Variants in UBC observed in about 807,000 individuals in gnomAD.
The protein encoded by UBC is polyubiquitin-C.
Under a neutral mutation model 34.7 loss-of-function variants are expected in UBC, and 8 were observed. The observed-to-expected ratio is 0.23, with a 90% CI of 0.14 to 0.42. The LOEUF (loss-of-function observed/expected upper bound fraction) is 0.42. Ranked by LOEUF, UBC falls within the 10% of genes least tolerant of loss-of-function variation. The probability of loss-of-function intolerance (pLI) is 1.00; values close to 1 mark genes in which losing one functional copy is unlikely to be tolerated. For missense variants in UBC, 323 were observed against 750.3 expected, an observed-to-expected ratio of 0.43 and a Z score of 6.65; for synonymous variants, 367 against 299.8, an observed-to-expected ratio of 1.22 and a Z score of -2.32.
At chr12:124,913,906 C>G (rs1454945096) in intron 1 of UBC, 132 bp from the exon 2 acceptor site, 5 of 1,406,340 alleles carry the variant, frequency 3.6e-6, no homozygotes, top group Non-Finnish European at 4.8e-6. Context: ...ACTCGCCAAC[C>G]CCGAGCGCAT....
In UBC at chr12:124,913,531, C is replaced by T. The variant is rs1387841368; in HGVS notation, c.241G>A (p.Val81Met). ...ATGGTCTTGCCAGTGAGTGTCTTCACGAAGATTTGCATCCCACCTCTGAGA... is the reference window on the plus strand; with the variant it reads ...ATGGTCTTGCCAGTGAGTGTCTTCATGAAGATTTGCATCCCACCTCTGAGA... ...LRLRGGMQIF[V>M]KTLTGKTITL... Residue 81 changes from valine to methionine, a missense_variant, in exon 2 of 2, where the codon GTG (valine) becomes ATG (methionine). Physicochemically the swap from Val to Met is conservative, Grantham distance 21 (BLOSUM62 1). Coordinates refer to ENST00000339647, the MANE Select transcript of UBC (RefSeq NM_021009.7). 1 of 1,610,612 alleles carries T rather than the reference C, an allele frequency of 6.2e-7. No homozygotes were observed. Among genetic ancestry groups the T allele is most frequent in the African/African-American group, 1.3e-5 (1 of 74,122 alleles).
chr12:124,914,576 C>T lies in UBC; in HGVS notation c.-4+11G>A, dbSNP rs1318028916. ...CGAAAGCCCCGGCCAGCCCAGCAGC[C>T]CGCTACTCACCAAGTGACGATCACA... is the stretch of plus-strand genomic sequence containing the variant. On this transcript the variant is annotated intron_variant, in intron 1 of 1. Transcript: ENST00000339647. 1 of 152,706 alleles carries T rather than the reference C, an allele frequency of 6.5e-6. No individual in the cohort carries two copies. The highest frequency in any genetic ancestry group is 1.5e-5 in the Non-Finnish European group (1 of 68,446). The allele number at this position is 152,706 out of a possible 1,614,324, so 9.5% of individuals were successfully genotyped here.
chr12:124,913,927 C>T (rs1953567417), intron 1 of UBC, 153 bp from the exon 2 acceptor site: 2 of 1,216,112 alleles, frequency 1.6e-6, no homozygotes, highest in Non-Finnish European at 2.3e-6. Flanking sequence ...AGTTCAAAAC[C>T]GGAGCTTCAG....
chr12:124,913,307 G>T lies in UBC; in HGVS notation c.465C>A (p.Ile155=). The T allele has an allele frequency of 6.2e-7, 1 of 1,610,522 alleles. No homozygotes were observed. The highest frequency in any genetic ancestry group is 1.7e-5 in the Admixed American group (1 of 59,616). The stretch of plus-strand genomic sequence containing the variant: ...TCTTACCAGTCAGGGTCTTCACGAA[G>T]ATCTGCATCCCACCTCTGAGACGGA... ...LVLRLRGGMQ[I]FVKTLTGKTI... is the part of the protein sequence containing the mutation. The change falls in exon 2 of 2, where the codon ATC becomes ATA. Residue 155 remains isoleucine, a synonymous_variant. Coordinates refer to ENST00000339647, the MANE Select transcript of UBC (RefSeq NM_021009.7).
intron 1 of UBC, 137 bp from the exon 2 acceptor site, chr12:124,913,911 G>C: frequency 1.5e-6 from 2 of 1,378,120 alleles, no homozygotes; most frequent in East Asian, 2.3e-5. Context: ...CCAACCCCGA[G>C]CGCATAGTTC....
At chr12:124,913,800 G>T (rs755975331) in intron 1 of UBC, 26 bp from the exon 2 acceptor site, 1 of 1,611,572 alleles carries the variant, frequency 6.2e-7, no homozygotes, top group Non-Finnish European at 8.5e-7. Flanking sequence ...AAAACGGCCA[G>T]AATTTAGCGG....
chr12:124,913,955 T>A (rs1490413146), intron 1 of UBC, 181 bp from the exon 2 acceptor site: 4 of 959,840 alleles, frequency 4.2e-6, no homozygotes, highest in Non-Finnish European at 4.5e-6. Context: ...AGAAGATAGG[T>A]ACATAAAACC....
intron 1 of UBC, chr12:124,914,041 C>A: frequency 3.8e-6 from 2 of 522,412 alleles, no homozygotes; most frequent in Non-Finnish European, 6.7e-6. Context: ...GAGAGCCTAC[C>A]CTAGGCCCGA....
intron 1 of UBC, 172 bp from the exon 2 acceptor site, chr12:124,913,946 GAAGA>G (rs2135907755): frequency 9.8e-7 from 1 of 1,023,554 alleles, no homozygotes; most frequent in African/African-American, 1.6e-5. Context: ...AGCTACTTAA[GAAGA>G]TAGGTACATA....
Position 124,913,736 on chromosome 12 carries a change from G to A in UBC, c.36C>T (p.Thr12=), listed in dbSNP as rs1475914989. 7 of 1,614,080 alleles carry A rather than the reference G, an allele frequency of 4.3e-6. No individual in the cohort carries two copies. The highest frequency in any genetic ancestry group is 4.0e-5 in the African/African-American group (3 of 74,930). ...CACTGGGCTCAACCTCGAGGGTGATGGTCTTACCAGTCAGAGTCTTCACGA... is the reference window on the plus strand; with the variant it reads ...CACTGGGCTCAACCTCGAGGGTGATAGTCTTACCAGTCAGAGTCTTCACGA... ...QIFVKTLTGK[T]ITLEVEPSDT... is the part of the protein sequence containing the mutation. Residue 12 remains threonine (T), a synonymous_variant, in exon 2 of 2, where the codon ACC becomes ACT. Transcript: ENST00000339647.
chr12:124,912,815 G>T lies in UBC; in HGVS notation c.957C>A (p.Leu319=), dbSNP rs752234660. The stretch of plus-strand genomic sequence containing the variant: ...CAATGGTGTCACTCGGCTCCACTTC[G>T]AGAGTGATGGTCTTACCAGTCAGGG... The part of the protein sequence containing the change: ...VKTLTGKTIT[L]EVEPSDTIEN... The change falls in exon 2 of 2, where the codon CTC becomes CTA. Residue 319 remains leucine, a synonymous_variant. Coordinates refer to ENST00000339647, the MANE Select transcript of UBC (RefSeq NM_021009.7). 6.2e-7 allele frequency: 1 copy of T among 1,603,052 alleles called. No homozygotes were observed. Among genetic ancestry groups the T allele is most frequent in the East Asian group, 2.3e-5 (1 of 44,336 alleles).
chr12:124,911,930 C>T lies in UBC; in HGVS notation c.1842G>A (p.Lys614=). 1 of 1,604,908 alleles carries T rather than the reference C, an allele frequency of 6.2e-7. No individual in the cohort carries two copies. Among genetic ancestry groups the T allele is most frequent in the South Asian group, 1.1e-5 (1 of 90,360 alleles). ...GGGTGATGGTCTTACCAGTCAGGGTCTTCACGAAGATTTGCATCCCACCTC... is the reference window on the plus strand; with the variant it reads ...GGGTGATGGTCTTACCAGTCAGGGTTTTCACGAAGATTTGCATCCCACCTC... ...RLRGGMQIFV[K]TLTGKTITLE... Residue 614 remains lysine, a synonymous_variant, in exon 2 of 2, where the codon AAG becomes AAA. Coordinates refer to ENST00000339647, the MANE Select transcript of UBC (RefSeq NM_021009.7).
At chr12:124,913,810 G>A (rs758776628) in intron 1 of UBC, 36 bp from the exon 2 acceptor site, 19 of 1,610,372 alleles carry the variant, frequency 1.2e-5, no homozygotes, top group Non-Finnish European at 1.5e-5. Flanking sequence ...GAATTTAGCG[G>A]ACAATTTACT....
chr12:124,913,949 G>C (rs906312096), intron 1 of UBC, 175 bp from the exon 2 acceptor site: 5 of 1,002,798 alleles, frequency 5.0e-6, no homozygotes, highest in South Asian at 3.4e-5. Context: ...TACTTAAGAA[G>C]ATAGGTACAT....
intron 1 of UBC, chr12:124,914,118 A>C (rs994983913): frequency 3.1e-6 from 1 of 323,106 alleles, no homozygotes; most frequent in Non-Finnish European, 5.8e-6. Context: ...ACCCTGCATT[A>C]TAAGCCAACA....
rs980011114 is a variant in UBC, at chr12:124,914,633, C to G, written c.-50G>C. The G allele has an allele frequency of 6.6e-6, 1 of 152,374 alleles. No homozygotes were observed. Among genetic ancestry groups the G allele is most frequent in the Non-Finnish European group, 1.5e-5 (1 of 68,126 alleles). The allele number at this position is 152,374 out of a possible 1,614,324, so 9.4% of individuals were successfully genotyped here. ...CACAAACAAGAACTGCGACCCAAAT[C>G]CCGGCTGCGACGGAACTAGCTGTGC... On this transcript the variant is annotated 5_prime_UTR_variant, in exon 1 of 2. Transcript: ENST00000339647.
intron 1 of UBC, 78 bp downstream of exon 1, chr12:124,914,509 T>A (rs1953585996): frequency 1.3e-5 from 2 of 152,942 alleles, no homozygotes; most frequent in South Asian, 2.0e-4. Flanking sequence ...CCCTTGGCGG[T>A]CTCTCCACAC....
Position 124,911,725 on chromosome 12 carries a change from C to A in UBC, c.2047G>T (p.Gly683Trp), listed in dbSNP as rs756603857. The change falls in exon 2 of 2, where the codon GGG becomes TGG. Residue 683 changes from glycine to tryptophan, a missense_variant. Gly to Trp is a radical substitution (Grantham distance 184, BLOSUM62 -2). Coordinates refer to ENST00000339647, the MANE Select transcript of UBC (RefSeq NM_021009.7). ...TTAAAAGGGGAAACTTAGACACCCC[C>A]CCTCAAGCGCAGGACCAAGTGCAGA... is the stretch of plus-strand genomic sequence containing the variant. Reference protein sequence around the residue: ...STLHLVLRLRGGV With the variant: ...STLHLVLRLRWGV 1 of 1,613,730 alleles carries A rather than the reference C, an allele frequency of 6.2e-7. No homozygotes were observed. Among genetic ancestry groups the A allele is most frequent in the Non-Finnish European group, 8.5e-7 (1 of 1,179,868 alleles).
chr12:124,911,715 T>G lies in UBC; in HGVS notation c.2057A>C (p.Ter686SerextTer17). 2 of 1,612,758 alleles carry G rather than the reference T, an allele frequency of 1.2e-6. No individual in the cohort carries two copies. Among genetic ancestry groups the G allele is most frequent in the Non-Finnish European group, 1.7e-6 (2 of 1,179,578 alleles). ...HLVLRLRGGV[*>S] is the part of the protein sequence containing the mutation. ...TGTTGAAACCTTAAAAGGGGAAACT[T>G]AGACACCCCCCCTCAAGCGCAGGAC... Residue 686 changes from the stop codon to serine (S), a stop_lost, in exon 2 of 2, where the codon TAA (stop) becomes TCA (serine). Coordinates refer to ENST00000339647, the MANE Select transcript of UBC (RefSeq NM_021009.7).
Sources: gnomAD v4.1 joint callset for allele counts on GRCh38, gnomAD v4.1.1 for gene constraint, MANE v1.5 for transcripts, NCBI Gene and HGNC (gene_info 2026-07-23, HGNC 2026-07-21) for gene names.